The following KPNA5 variants were observed in gnomAD, a reference collection of about 807,000 sequenced individuals.
KPNA5 encodes karyopherin subunit alpha 5, also known as importin subunit alpha-6.
Under a neutral mutation model 71.3 loss-of-function variants are expected in KPNA5, and 46 were observed. The observed-to-expected ratio is 0.65, with a 90% CI of 0.51 to 0.83. The LOEUF is 0.83. Ranked by LOEUF, KPNA5 falls within the 40% of genes least tolerant of loss-of-function variation. The pLI is 0.00. For missense variants in KPNA5, 547 were observed against 628.3 expected (o/e 0.87, Z 1.38); for synonymous variants, 207 against 201.4 (o/e 1.03, Z -0.24).
rs985842885 is a variant in KPNA5 at position 116,686,448 on chromosome 6, T to C, written c.5-2872T>C. On this transcript the variant is annotated intron_variant, in intron 1 of 13. Coordinates refer to ENST00000368564, the MANE Select transcript of KPNA5 (RefSeq NM_001366306.2). ...TAAGTTTCTTATAGATGCTGGATAT[T>C]AGACCTTTATCAGATGCATAGTTTG... Among the ~76,000 whole-genome samples the C allele has an allele frequency of 2.0e-5, 3 of 152,328 alleles. No homozygotes were observed. The East Asian group carries it at 5.8e-4, about 29-fold the overall frequency.
chr6:116,720,220 T>C (rs1013731375), intron 8 of KPNA5, among the ~76,000 whole-genome samples: 4 of 152,226 alleles, frequency 2.6e-5, no homozygotes, highest in African/African-American at 2.4e-5. Context: ...TTGGAGTTGA[T>C]GGTGGGGAGA....
At chr6:116,703,724 C>G (rs1001673317) in intron 6 of KPNA5, among the ~76,000 whole-genome samples, 1 of 151,900 alleles carries the variant, frequency 6.6e-6, no homozygotes, top group African/African-American at 2.4e-5. Context: ...AATCTTAGGT[C>G]TAGAGTAGAT....
At chr6:116,719,556 C>T (rs1457212761) in intron 8 of KPNA5, among the ~76,000 whole-genome samples, 1 of 152,068 alleles carries the variant, frequency 6.6e-6, no homozygotes, top group Non-Finnish European at 1.5e-5. Flanking sequence ...CTGGCTACTA[C>T]ATATCCTGCA....
intron 8 of KPNA5, among the ~76,000 whole-genome samples, chr6:116,717,227 C>T (rs1562448782): frequency 6.6e-6 from 1 of 152,120 alleles, no homozygotes; most frequent in Non-Finnish European, 1.5e-5. Context: ...CAAATGTCAA[C>T]AAAATGAGAA....
chr6:116,710,889 ATATATT>A (rs1778640591), intron 7 of KPNA5, among the ~76,000 whole-genome samples: 3 of 68,786 alleles, frequency 4.4e-5, no homozygotes, highest in African/African-American at 1.0e-4. Context: ...ATATATATAT[ATATATT>A]TTTTTTTTTT....
chr6:116,684,256 G>A (rs1041470706), intron 1 of KPNA5, among the ~76,000 whole-genome samples: 30 of 152,042 alleles, frequency 2.0e-4, no homozygotes, highest in African/African-American at 6.3e-4. Flanking sequence ...GGTGCACATA[G>A]TATTGCTGAA....
In KPNA5 at chr6:116,732,391, G is replaced by A. The variant is rs1032940007; in HGVS notation, c.*68G>A. ...CAGGTAACTCCTCTTTGTTGCCAAT[G>A]TAAGAATGTTTGTTTTTTTACATAG... is the stretch of plus-strand genomic sequence containing the variant. On this transcript the variant is annotated 3_prime_UTR_variant, in exon 14 of 14. Coordinates refer to ENST00000368564, the MANE Select transcript of KPNA5 (RefSeq NM_001366306.2). The A allele has an allele frequency of 2.6e-5, 22 of 856,890 alleles. No individual in the cohort carries two copies. Among genetic ancestry groups the A allele is most frequent in the Non-Finnish European group, 3.2e-5 (19 of 594,894 alleles). 53.1% of individuals were successfully genotyped at this position (856,890 alleles called of 1,614,324 possible).
chr6:116,716,771 C>T (rs1008554513), intron 8 of KPNA5, among the ~76,000 whole-genome samples: 43 of 152,204 alleles, frequency 2.8e-4, no homozygotes, highest in African/African-American at 1.0e-3. Flanking sequence ...GTTTAAGATG[C>T]TGTTAGGAAG....
chr6:116,710,921 G>A (rs1387736165), intron 7 of KPNA5, among the ~76,000 whole-genome samples: 1 of 100,540 alleles, frequency 9.9e-6, no homozygotes, highest in Non-Finnish European at 1.9e-5. Flanking sequence ...TTGAGTTGGA[G>A]TCTTGCTCTG....
intron 6 of KPNA5, among the ~76,000 whole-genome samples, chr6:116,702,975 C>G (rs1214680815): frequency 6.6e-6 from 1 of 151,970 alleles, no homozygotes; most frequent in Non-Finnish European, 1.5e-5. Flanking sequence ...TGTTCTGTCT[C>G]CCATTTTATT....
chr6:116,686,040 G>A (rs1260964384), intron 1 of KPNA5, among the ~76,000 whole-genome samples: 1 of 152,084 alleles, frequency 6.6e-6, no homozygotes, highest in African/African-American at 2.4e-5. Context: ...GAGTAGCTGA[G>A]ACTATAGTCA....
At chr6:116,710,217 C>T (rs944754115) in intron 7 of KPNA5, among the ~76,000 whole-genome samples, 1 of 151,766 alleles carries the variant, frequency 6.6e-6, no homozygotes, top group Admixed American at 6.6e-5. Context: ...GGTTAAATGC[C>T]ATGTGGTCAT....
At chr6:116,684,741 C>T (rs889945296) in intron 1 of KPNA5, among the ~76,000 whole-genome samples, 6 of 152,070 alleles carry the variant, frequency 3.9e-5, no homozygotes, top group Non-Finnish European at 2.9e-5. Context: ...AGTTCTGATC[C>T]GTATTTTCAA....
chr6:116,706,622 G>T (rs753044334), intron 7 of KPNA5, among the ~76,000 whole-genome samples: 1 of 152,128 alleles, frequency 6.6e-6, no homozygotes, highest in Non-Finnish European at 1.5e-5. Context: ...CCAGGAGGTG[G>T]AGGTTGTGGT....
At chr6:116,710,156 G>T (rs1193873350) in intron 7 of KPNA5, among the ~76,000 whole-genome samples, 1 of 151,910 alleles carries the variant, frequency 6.6e-6, no homozygotes, top group East Asian at 1.9e-4. Flanking sequence ...ATATTAATAT[G>T]GTTTATTATT....
At chr6:116,715,771 C>A (rs1480865531) in intron 7 of KPNA5, among the ~76,000 whole-genome samples, 1 of 151,960 alleles carries the variant, frequency 6.6e-6, no homozygotes, top group African/African-American at 2.4e-5. Context: ...CAAAAATTAT[C>A]CAGGCGTGGT....
intron 9 of KPNA5, 122 bp downstream of exon 9, chr6:116,722,411 C>A (rs1779143307): frequency 3.8e-6 from 3 of 793,748 alleles, no homozygotes; most frequent in African/African-American, 1.8e-5. Flanking sequence ...AAGCTACTGA[C>A]CCAACACTTA....
At chr6:116,700,741 C>A in intron 5 of KPNA5, among the ~76,000 whole-genome samples, 1 of 152,148 alleles carries the variant, frequency 6.6e-6, no homozygotes, top group Non-Finnish European at 1.5e-5. Context: ...AAATGAATAT[C>A]CAGGTTTTTG....
At chr6:116,687,073 A>T (rs1366639840) in intron 1 of KPNA5, among the ~76,000 whole-genome samples, 2 of 152,154 alleles carry the variant, frequency 1.3e-5, no homozygotes, top group African/African-American at 4.8e-5. Context: ...GAAGAATGTC[A>T]TTGGCAATTT....
Sources: gnomAD v4.1 joint callset for allele counts (sites outside exome capture counted in the v4.1 genomes callset) on GRCh38, gnomAD v4.1.1 for gene constraint, MANE v1.5 for transcripts, NCBI Gene and HGNC (gene_info 2026-07-23, HGNC 2026-07-21) for gene names.